Variants in JAG1 observed in about 807,000 individuals in gnomAD.
The protein encoded by JAG1 is jagged canonical Notch ligand 1.
Under a neutral mutation model 148.7 loss-of-function variants are expected in JAG1, and 23 were observed. The ratio of observed to expected loss-of-function variants is 0.15; its 90% CI spans 0.11 to 0.22. The LOEUF (loss-of-function observed/expected upper bound fraction) is 0.22, where lower values mean the gene tolerates loss of function less well. Ranked by LOEUF, JAG1 falls within the 10% of genes least tolerant of loss-of-function variation. The pLI, the probability that JAG1 is intolerant of heterozygous loss-of-function variation, is 1.00. For synonymous variants in JAG1, 572 were observed against 598.3 expected (o/e 0.96, Z 0.64); for missense variants, 1,054 against 1,611.2 (o/e 0.65, Z 5.92).
chr20:10,662,283 C>T (rs1456313368), intron 3 of JAG1: 4 of 152,142 alleles, frequency 2.6e-5, no homozygotes, highest in African/African-American at 9.7e-5. Flanking sequence ...ATCGGGCTAC[C>T]TGGAAATGCA....
At chr20:10,644,117 T>C (rs2067291553) in intron 19 of JAG1, among the ~76,000 whole-genome samples, 2 of 152,076 alleles carry the variant, frequency 1.3e-5, no homozygotes, top group Admixed American at 1.3e-4. Flanking sequence ...GGTTGAAAAA[T>C]CACTGCTCTA....
chr20:10,672,563 C>T (rs1276796876), intron 2 of JAG1, 138 bp downstream of exon 2: 11 of 883,032 alleles, frequency 1.2e-5, no homozygotes, highest in Non-Finnish European at 1.8e-5. Context: ...CTCCCTCACC[C>T]GCCACCCCTA....
intron 2 of JAG1, 96 bp downstream of exon 2, chr20:10,672,605 C>G: frequency 7.8e-7 from 1 of 1,281,788 alleles, no homozygotes; most frequent in South Asian, 1.2e-5. Context: ...TAGTTTCAAG[C>G]CAAAGCCCTT....
intron 5 of JAG1, among the ~76,000 whole-genome samples, 176 bp downstream of exon 5, chr20:10,656,222 A>C (rs991214360): frequency 6.6e-6 from 1 of 152,242 alleles, no homozygotes; most frequent in African/African-American, 2.4e-5. Context: ...TGGTGTGTGC[A>C]TTCCACCAGA....
chr20:10,671,236 T>C (rs1322688988), intron 2 of JAG1, among the ~76,000 whole-genome samples: 1 of 152,202 alleles, frequency 6.6e-6, no homozygotes, highest in African/African-American at 2.4e-5. Context: ...CCAGACTCTT[T>C]AGCTTAAAGT....
In JAG1 at chr20:10,667,528, C is replaced by A. The variant is rs555405215; in HGVS notation, c.388-3514G>T. Among the ~76,000 whole-genome samples the A allele has an allele frequency of 9.2e-5, 14 of 152,314 alleles. No individual in the cohort carries two copies. In the South Asian group the frequency reaches 2.7e-3, roughly 29 times the overall value. On this transcript the variant is annotated intron_variant, in intron 2 of 25. Coordinates refer to ENST00000254958, the MANE Select transcript of JAG1 (RefSeq NM_000214.3). ...GGTTGCAGGGAGTCCATGTGTGGCGCATGCACACGTACTCATGCACACAAT... is the reference window on the plus strand; with the variant it reads ...GGTTGCAGGGAGTCCATGTGTGGCGAATGCACACGTACTCATGCACACAAT...
At chr20:10,662,955 C>G (rs1428462490) in intron 3 of JAG1, among the ~76,000 whole-genome samples, 1 of 152,184 alleles carries the variant, frequency 6.6e-6, no homozygotes, top group African/African-American at 2.4e-5. Context: ...AATAAGCCAG[C>G]CACAGGTGGA....
rs1342642848 is a variant in JAG1 at position 10,651,774 on chromosome 20, C to T, written c.1007-80G>A. ...CACACCCCCCTCCAACCGAATCCCA[C>T]ACCACAGCCACTAGTGCAAGCATAT... On this transcript the variant is annotated intron_variant, in intron 7 of 25. Transcript: ENST00000254958. The T allele has an allele frequency of 4.8e-6, 4 of 841,120 alleles. No homozygotes were observed. In the Admixed American group the frequency reaches 7.9e-5, roughly 17 times the overall value. The allele number at this position is 841,120 out of a possible 1,614,324, so 52.1% of individuals were successfully genotyped here.
intron 4 of JAG1, among the ~76,000 whole-genome samples, chr20:10,657,757 T>C (rs2067388178): frequency 6.6e-6 from 1 of 152,256 alleles, no homozygotes; most frequent in Non-Finnish European, 1.5e-5. Flanking sequence ...AGACTAAAAG[T>C]GGGCCCACTC....
chr20:10,644,287 C>T, intron 19 of JAG1, 70 bp downstream of exon 19: 1 of 1,004,296 alleles, frequency 1.0e-6, no homozygotes, highest in Non-Finnish European at 1.5e-6. Flanking sequence ...CACACACACA[C>T]ACACACACAC....
At chr20:10,671,333 G>A (rs185465602) in intron 2 of JAG1, among the ~76,000 whole-genome samples, 3 of 152,294 alleles carry the variant, frequency 2.0e-5, no homozygotes, top group Admixed American at 2.0e-4. Flanking sequence ...GACCTCAAGA[G>A]AGCTTCACAG....
chr20:10,639,363 TA>T lies in JAG1; in HGVS notation c.*134del. On this transcript the variant is annotated 3_prime_UTR_variant, in exon 26 of 26. Transcript: ENST00000254958. The stretch of plus-strand genomic sequence containing the variant: ...ACCACAGAAACTACCATTGCCAGTG[TA>T]AGCCAGCTTGTCAAAACTTAAATTA... 1 of 859,654 alleles carries T rather than the reference TA, an allele frequency of 1.2e-6. No individual in the cohort carries two copies. Among genetic ancestry groups the T allele is most frequent in the Non-Finnish European group, 2.0e-6 (1 of 500,216 alleles). 53.3% of individuals were successfully genotyped at this position (859,654 alleles called of 1,614,324 possible).
chr20:10,667,999 AC>A (rs1241573095), intron 2 of JAG1, among the ~76,000 whole-genome samples: 3 of 149,186 alleles, frequency 2.0e-5, no homozygotes, highest in Non-Finnish European at 4.4e-5. Context: ...TGCATGTTTG[AC>A]TATTTATGTA....
At chr20:10,661,501 G>T (rs888505489) in intron 3 of JAG1, among the ~76,000 whole-genome samples, 1 of 152,174 alleles carries the variant, frequency 6.6e-6, no homozygotes, top group Non-Finnish European at 1.5e-5. Context: ...TGTAGTTGAG[G>T]ATAGGAAGGC....
chr20:10,640,297 C>T (rs999716991), intron 25 of JAG1, among the ~76,000 whole-genome samples: 10 of 152,142 alleles, frequency 6.6e-5, no homozygotes, highest in Admixed American at 2.6e-4. Flanking sequence ...ACTAGAAATC[C>T]GATTCAAATT....
chr20:10,664,276 A>T (rs1480643237), intron 2 of JAG1, among the ~76,000 whole-genome samples: 1 of 152,038 alleles, frequency 6.6e-6, no homozygotes, highest in Non-Finnish European at 1.5e-5. Context: ...GGCAGCTCAA[A>T]GTTGAGATCA....
At chr20:10,665,323 A>G (rs1290861867) in intron 2 of JAG1, among the ~76,000 whole-genome samples, 6 of 152,232 alleles carry the variant, frequency 3.9e-5, no homozygotes, top group African/African-American at 1.4e-4. Context: ...TTCAGCCGAA[A>G]TATGTTTCAT....
At chr20:10,668,856 A>T (rs549996409) in intron 2 of JAG1, among the ~76,000 whole-genome samples, 20 of 152,212 alleles carry the variant, frequency 1.3e-4, no homozygotes, top group Admixed American at 2.6e-4. Context: ...GAACTCCCCC[A>T]AGAGCCTCCA....
intron 2 of JAG1, among the ~76,000 whole-genome samples, chr20:10,664,624 G>A (rs188993006): frequency 1.2e-4 from 19 of 152,270 alleles, no homozygotes; most frequent in African/African-American, 4.1e-4. Context: ...AAGTGACTCT[G>A]CAAGACAAAG....
Sources: allele counts gnomAD v4.1 joint callset (sites outside exome capture counted in the v4.1 genomes callset), GRCh38; gene constraint gnomAD v4.1.1; transcripts MANE v1.5; gene names NCBI Gene and HGNC (gene_info 2026-07-23, HGNC 2026-07-21).